The following ERMP1 variants were observed in gnomAD, a reference collection of about 807,000 sequenced individuals.
ERMP1 encodes endoplasmic reticulum metallopeptidase 1.
Under a neutral mutation model 92.0 loss-of-function variants are expected in ERMP1, and 86 were observed. The ratio of observed to expected loss-of-function variants is 0.93; its 90% CI spans 0.79 to 1.12. ERMP1 has a LOEUF of 1.12. Among genes scored for constraint, ERMP1 ranks in the 50% most tolerant of loss-of-function variants. The pLI is 0.00. For missense variants in ERMP1, 1,342 were observed against 1,116.3 expected (o/e 1.20, Z -2.88); for synonymous variants, 530 against 412.8 (o/e 1.28, Z -3.44).
At chr9:5,797,087 T>A (rs1231758367) in intron 13 of ERMP1, among the ~76,000 whole-genome samples, 1 of 152,066 alleles carries the variant, frequency 6.6e-6, no homozygotes, top group Non-Finnish European at 1.5e-5. Context: ...GTCACCCAGG[T>A]TGGAATGCAG....
chr9:5,798,330 C>A (rs551505924), intron 12 of ERMP1, among the ~76,000 whole-genome samples: 188 of 152,260 alleles, frequency 1.2e-3, no homozygotes, highest in African/African-American at 4.3e-3. Flanking sequence ...AATTCCCCTG[C>A]CTCAGCCTCC....
intron 4 of ERMP1, among the ~76,000 whole-genome samples, chr9:5,815,008 G>C (rs1829247385): frequency 6.6e-6 from 1 of 151,700 alleles, no homozygotes; most frequent in Non-Finnish European, 1.5e-5. Flanking sequence ...GCAGAAGAAA[G>C]GATTAAAATT....
At chr9:5,791,020 A>T (rs993819335) in intron 13 of ERMP1, among the ~76,000 whole-genome samples, 1 of 152,216 alleles carries the variant, frequency 6.6e-6, no homozygotes, top group Non-Finnish European at 1.5e-5. Context: ...GGGAAAAGTG[A>T]TATTTAAAAA....
At chr9:5,846,240 T>C (rs529549755) in intron 6 of ERMP1, among the ~76,000 whole-genome samples, 1 of 152,162 alleles carries the variant, frequency 6.6e-6, no homozygotes, top group Non-Finnish European at 1.5e-5. Context: ...TCCATGTCAC[T>C]ATTAAGGCAC....
In ERMP1 at chr9:5,785,542, T is replaced by A. The variant is rs921404479; in HGVS notation, c.*1602A>T. On this transcript the variant is annotated 3_prime_UTR_variant, in exon 15 of 15. Transcript: ENST00000339450. Reference sequence around the variant, plus strand: ...GTGAGCCTAACATGTTATTCAGCTCTGGTTGCAGCCCCATCTACATGGGCC... The same window carrying A: ...GTGAGCCTAACATGTTATTCAGCTCAGGTTGCAGCCCCATCTACATGGGCC... The A allele has an allele frequency of 6.6e-6, 1 of 152,446 alleles. No homozygotes were observed. The highest frequency in any genetic ancestry group is 2.4e-5 in the African/African-American group (1 of 41,460). The allele number at this position is 152,446 out of a possible 1,614,324, so 9.4% of individuals were successfully genotyped here. A position where few individuals can be genotyped will look rare whatever the true frequency, so the allele number is the denominator to read the frequency against.
chr9:5,824,038 C>A, intron 3 of ERMP1, 37 bp from the exon 4 acceptor site: 1 of 1,525,732 alleles, frequency 6.6e-7, no homozygotes, highest in Non-Finnish European at 9.1e-7. Context: ...ATTTGTTAAA[C>A]AATCTTAAAT....
intron 6 of ERMP1, among the ~76,000 whole-genome samples, chr9:5,844,637 G>A (rs1035714313): frequency 6.6e-6 from 1 of 152,160 alleles, no homozygotes; most frequent in African/African-American, 2.4e-5. Context: ...CGTCACCTTT[G>A]CGGAGAACTG....
At chr9:5,837,624 G>A (rs1455387517), upstream of ERMP1, among the ~76,000 whole-genome samples, 9 of 152,142 alleles carry the variant, frequency 5.9e-5, no homozygotes, top group African/African-American at 2.2e-4. Flanking sequence ...TTTTCAAAAA[G>A]GGGATAATAT....
At chr9:5,828,834 C>T (rs1345829943) in intron 2 of ERMP1, among the ~76,000 whole-genome samples, 2 of 152,074 alleles carry the variant, frequency 1.3e-5, no homozygotes, top group East Asian at 3.9e-4. Context: ...GTATATACAG[C>T]CTTCTTATAT....
In ERMP1 at chr9:5,860,989, T is replaced by C. The variant is rs1203334011; in HGVS notation, n.3056-1378A>G. 3.3e-5 allele frequency among the ~76,000 whole-genome samples: 5 copies of C among 152,188 alleles called. No individual in the cohort carries two copies. In the South Asian group the frequency reaches 6.2e-4, roughly 19 times the overall value. ...CTCACCAGATGCCAGCACCTTGATA[T>C]TGGAGTTCCAGCCTCCAGTACTATG... On this transcript the variant is annotated intron_variant and non_coding_transcript_variant, in intron 5 of 6. Coordinates refer to the ERMP1 transcript ENST00000690753.
chr9:5,849,309 C>T (rs1403427499), intron 6 of ERMP1, among the ~76,000 whole-genome samples: 1 of 152,250 alleles, frequency 6.6e-6, no homozygotes, highest in Non-Finnish European at 1.5e-5. Context: ...GCATGAGCCA[C>T]TGCGTCTGGC....
chr9:5,845,978 G>C (rs1193682854), intron 6 of ERMP1, among the ~76,000 whole-genome samples: 1 of 152,182 alleles, frequency 6.6e-6, no homozygotes, highest in Non-Finnish European at 1.5e-5. Context: ...AGGCCTGGAT[G>C]GGCAAATGTG....
intron 13 of ERMP1, among the ~76,000 whole-genome samples, chr9:5,795,470 T>C (rs2476262): frequency 0.061 from 9,336 of 152,232 alleles, 894 homozygotes; most frequent in African/African-American, 0.21. Flanking sequence ...ATGATAAGAT[T>C]GTCTATTCAT....
intron 4 of ERMP1, among the ~76,000 whole-genome samples, chr9:5,815,903 G>A (rs918512095): frequency 1.3e-5 from 2 of 151,888 alleles, no homozygotes. Flanking sequence ...CGTACATTAC[G>A]AGATCTTATC....
intron 6 of ERMP1, among the ~76,000 whole-genome samples, chr9:5,853,526 T>G (rs1830335153): frequency 6.6e-6 from 1 of 151,926 alleles, no homozygotes; most frequent in Non-Finnish European, 1.5e-5. Context: ...TAGATAAAGT[T>G]CAAAGAATTC....
At chr9:5,788,083 T>A (rs978677711) in intron 13 of ERMP1, among the ~76,000 whole-genome samples, 2 of 152,216 alleles carry the variant, frequency 1.3e-5, no homozygotes, top group Non-Finnish European at 2.9e-5. Flanking sequence ...TAGTCATCAC[T>A]GGGAACTTCC....
At chr9:5,829,794 C>T (rs1365132023) in intron 2 of ERMP1, among the ~76,000 whole-genome samples, 2 of 152,224 alleles carry the variant, frequency 1.3e-5, no homozygotes, top group African/African-American at 4.8e-5. Flanking sequence ...GGGGTTCAGC[C>T]AGATGCCATC....
At chr9:5,792,355 A>G (rs746113780) in intron 13 of ERMP1, among the ~76,000 whole-genome samples, 6 of 152,252 alleles carry the variant, frequency 3.9e-5, no homozygotes, top group Non-Finnish European at 7.3e-5. Flanking sequence ...AGGCCAAAAC[A>G]TAAGTTAAGA....
Position 5,786,693 on chromosome 9 carries a change from C to T in ERMP1, c.*451G>A, listed in dbSNP as rs1374207723. The T allele has an allele frequency of 6.1e-6, 1 of 162,964 alleles. No homozygotes were observed. Among genetic ancestry groups the T allele is most frequent in the African/African-American group, 2.4e-5 (1 of 41,588 alleles). 10.1% of individuals were successfully genotyped at this position (162,964 alleles called of 1,614,324 possible). On this transcript the variant is annotated 3_prime_UTR_variant, in exon 15 of 15. Transcript: ENST00000339450. ...CCAGTGACCTACACAGAGTTATATT[C>T]TCAAGGGGAATCATTACCTCAGTGA...
Sources: gnomAD v4.1 joint callset for allele counts (sites outside exome capture counted in the v4.1 genomes callset) on GRCh38, gnomAD v4.1.1 for gene constraint, MANE v1.5 for transcripts, NCBI Gene and HGNC (gene_info 2026-07-23, HGNC 2026-07-21) for gene names.